PTGR1: variants seen among roughly 807,000 people sequenced by gnomAD.
PTGR1 encodes prostaglandin reductase 1, also known as 15-oxoprostaglandin 13-reductase.
Under a neutral mutation model 37.7 loss-of-function variants are expected in PTGR1, and 23 were observed. That is an observed-to-expected ratio of 0.61 (90% CI 0.44 to 0.86). PTGR1 has a LOEUF of 0.86. Ranked by LOEUF, PTGR1 falls within the 40% of genes least tolerant of loss-of-function variation. PTGR1 has a pLI of 0.00. For synonymous variants in PTGR1, 134 were observed against 140.0 expected, an observed-to-expected ratio of 0.96 and a Z score of 0.30; for missense variants, 351 against 394.3, an observed-to-expected ratio of 0.89 and a Z score of 0.93.
chr9:111,578,974 A>T (rs745402082), intron 6 of PTGR1, 23 bp from the exon 7 acceptor site: 1 of 1,549,156 alleles, frequency 6.5e-7, no homozygotes, highest in South Asian at 1.2e-5. Context: ...AAAAAAAAAA[A>T]GGAAACCATG....
intron 7 of PTGR1, among the ~76,000 whole-genome samples, chr9:111,576,121 T>C (rs1194880951): frequency 6.6e-6 from 1 of 150,746 alleles, no homozygotes; most frequent in Non-Finnish European, 1.5e-5. Flanking sequence ...CATCACATAC[T>C]GCACTCCAGA....
At chr9:111,569,624 G>A (rs1308620216) in intron 9 of PTGR1, among the ~76,000 whole-genome samples, 1 of 152,146 alleles carries the variant, frequency 6.6e-6, no homozygotes, top group African/African-American at 2.4e-5. Flanking sequence ...AGTTAGCTGG[G>A]CGTGGTGGTA....
At chr9:111,588,648 CCTGAATAG>C (rs1829514613) in intron 4 of PTGR1, among the ~76,000 whole-genome samples, 2 of 152,048 alleles carry the variant, frequency 1.3e-5, no homozygotes, top group Non-Finnish European at 2.9e-5. Flanking sequence ...CCCTTGGCCC[CCTGAATAG>C]CTAGGATTAC....
At chr9:111,585,391 G>A (rs573682595) in intron 5 of PTGR1, among the ~76,000 whole-genome samples, 2 of 152,318 alleles carry the variant, frequency 1.3e-5, no homozygotes, top group South Asian at 2.1e-4. Flanking sequence ...GCAGGATAAC[G>A]AAGGAGGAGG....
At chr9:111,585,272 AG>A (rs1303944160) in intron 5 of PTGR1, among the ~76,000 whole-genome samples, 1 of 152,206 alleles carries the variant, frequency 6.6e-6, no homozygotes, top group Non-Finnish European at 1.5e-5. Flanking sequence ...TTCAGGAGTC[AG>A]GATCTCCTAA....
chr9:111,588,696 T>C (rs774715509), intron 4 of PTGR1, among the ~76,000 whole-genome samples: 5 of 152,126 alleles, frequency 3.3e-5, no homozygotes, highest in African/African-American at 4.8e-5. Flanking sequence ...TGGCTAATTT[T>C]TGTATTTTTA....
downstream of PTGR1, among the ~76,000 whole-genome samples, chr9:111,561,104 T>TAGAGAGAGAGAGAGAG (rs1465441902): frequency 7.6e-5 from 2 of 26,384 alleles, no homozygotes; most frequent in African/African-American, 3.2e-4. Flanking sequence ...TATATATATA[T>TAGAGAGAGAGAGAGAG]ATATATAGAG....
chr9:111,579,458 A>G (rs552565887), intron 6 of PTGR1, among the ~76,000 whole-genome samples: 2 of 152,090 alleles, frequency 1.3e-5, no homozygotes, highest in East Asian at 3.9e-4. Flanking sequence ...GTGCAGTAGC[A>G]CGAACATGGC....
chr9:111,566,960 A>G (rs925260232), intron 9 of PTGR1, among the ~76,000 whole-genome samples: 2 of 152,028 alleles, frequency 1.3e-5, no homozygotes, highest in Non-Finnish European at 2.9e-5. Flanking sequence ...GTGGTGGCAC[A>G]TGACTGTTGT....
At chr9:111,583,863 A>G (rs1240610997) in intron 5 of PTGR1, among the ~76,000 whole-genome samples, 6 of 152,188 alleles carry the variant, frequency 3.9e-5, no homozygotes, top group African/African-American at 1.4e-4. Context: ...TCAGGGGCAA[A>G]AGATGGAATA....
intron 9 of PTGR1, 160 bp downstream of exon 9, chr9:111,569,930 TG>T: frequency 8.5e-7 from 1 of 1,175,386 alleles, no homozygotes; most frequent in Non-Finnish European, 1.2e-6. Flanking sequence ...CTTTCAAAGA[TG>T]GGAAAAGTAA....
chr9:111,579,446 G>C (rs966590927), intron 6 of PTGR1, among the ~76,000 whole-genome samples: 4 of 151,892 alleles, frequency 2.6e-5, no homozygotes, highest in Non-Finnish European at 5.9e-5. Flanking sequence ...GCCCAGGCTG[G>C]AGTGCAGTAG....
At chr9:111,598,505 C>CT (rs762132500) in intron 1 of PTGR1, among the ~76,000 whole-genome samples, 4 of 152,112 alleles carry the variant, frequency 2.6e-5, no homozygotes, top group South Asian at 2.1e-4. Context: ...AAAATTAAGA[C>CT]TTTTTTTGTG....
At chr9:111,567,103 T>G (rs1589294949) in intron 9 of PTGR1, among the ~76,000 whole-genome samples, 1 of 148,966 alleles carries the variant, frequency 6.7e-6, no homozygotes, top group Non-Finnish European at 1.5e-5. Context: ...ACAAAAAAAG[T>G]CGGGGGGCGT....
intron 4 of PTGR1, 119 bp from the exon 5 acceptor site, chr9:111,586,284 G>A (rs2273787): frequency 0.087 from 81,495 of 941,108 alleles, 4,632 homozygotes; most frequent in East Asian, 0.23. Flanking sequence ...TTCCACAACT[G>A]ATAGTCCACC....
chr9:111,556,048 C>T (rs1322805792), intron 9 of PTGR1, among the ~76,000 whole-genome samples: 1 of 152,260 alleles, frequency 6.6e-6, no homozygotes, highest in East Asian at 1.9e-4. Context: ...AAGTTAGTTA[C>T]TTCCAAGATA....
At chr9:111,558,868 G>A (rs1374077468), downstream of PTGR1, among the ~76,000 whole-genome samples, 1 of 152,126 alleles carries the variant, frequency 6.6e-6, no homozygotes, top group Admixed American at 6.5e-5. Context: ...TTCTCTGACA[G>A]TGAGAAACTC....
intron 5 of PTGR1, 77 bp downstream of exon 5, chr9:111,585,921 C>T (rs2132415307): frequency 6.5e-7 from 1 of 1,541,564 alleles, no homozygotes; most frequent in Non-Finnish European, 8.9e-7. Flanking sequence ...TTCCTGTTGA[C>T]CAAGTTCTGA....
At chr9:111,595,211 C>T (rs1480398625) in intron 2 of PTGR1, among the ~76,000 whole-genome samples, 3 of 152,050 alleles carry the variant, frequency 2.0e-5, no homozygotes, top group African/African-American at 7.2e-5. Context: ...AATGTCTTCC[C>T]ATCTGTGCTT....
Sources: gnomAD v4.1 joint callset for allele counts (sites outside exome capture counted in the v4.1 genomes callset) on GRCh38, gnomAD v4.1.1 for gene constraint, MANE v1.5 for transcripts, NCBI Gene and HGNC (gene_info 2026-07-23, HGNC 2026-07-21) for gene names.